Variants in KLF17 observed in about 807,000 individuals in gnomAD.
KLF17 encodes Krueppel-like factor 17.
Under a neutral mutation model 34.2 loss-of-function variants are expected in KLF17, and 31 were observed. The ratio of observed to expected loss-of-function variants is 0.91; its 90% CI spans 0.68 to 1.22. The LOEUF (loss-of-function observed/expected upper bound fraction) is 1.22, where lower values mean the gene tolerates loss of function less well. KLF17 is among the 50% of genes most tolerant of loss of function. The pLI, the probability that KLF17 is intolerant of heterozygous loss-of-function variation, is 0.00. For missense variants in KLF17, 478 were observed against 505.2 expected, an observed-to-expected ratio of 0.95 and a Z score of 0.52; for synonymous variants, 179 against 186.7, an observed-to-expected ratio of 0.96 and a Z score of 0.34.
At chr1:44,062,990 G>A in the KLF17 span, among the ~76,000 whole-genome samples, 139 of 152,276 alleles carry the variant, frequency 9.1e-4, 1 homozygote, top group South Asian at 0.02. Flanking sequence ...AACCCAATGC[G>A]CATCAGCAGA....
chr1:44,056,331 T>C, the KLF17 span, among the ~76,000 whole-genome samples: 17 of 152,126 alleles, frequency 1.1e-4, no homozygotes, highest in African/African-American at 3.4e-4. Context: ...AGGCTAAATA[T>C]TGGGGGTATG....
Position 44,118,964 on chromosome 1 carries a change from G to A in KLF17, c.57G>A (p.Trp19Ter). 1 of 1,610,734 alleles carries A rather than the reference G, an allele frequency of 6.2e-7. No homozygotes were observed. Among genetic ancestry groups the A allele is most frequent in the Admixed American group, 1.7e-5 (1 of 59,770 alleles). Reference sequence around the variant, plus strand: ...AGGAGGCTGGGGAGCTGAGCCGGTGGCAGGCGGCGCACCAGGCTGCCCAGG... The same window carrying A: ...AGGAGGCTGGGGAGCTGAGCCGGTGACAGGCGGCGCACCAGGCTGCCCAGG... ...MEQEAGELSR[W>*]QAAHQAAQDN... is the part of the protein sequence containing the mutation. The change falls in exon 1 of 4, where the codon TGG becomes TGA. Residue 19 changes from tryptophan (W) to a stop codon, truncating the protein, a stop_gained. Coordinates refer to ENST00000372299, the MANE Select transcript of KLF17 (RefSeq NM_173484.4). LOFTEE classifies it high-confidence loss of function.
At chr1:44,131,826 C>T (rs1485486149) in intron 3 of KLF17, among the ~76,000 whole-genome samples, 3 of 152,156 alleles carry the variant, frequency 2.0e-5, no homozygotes, top group Non-Finnish European at 4.4e-5. Flanking sequence ...TCCTGAATAG[C>T]TGGGATTACA....
At chr1:44,058,284 TTTTTTG>T in the KLF17 span, among the ~76,000 whole-genome samples, 5 of 152,144 alleles carry the variant, frequency 3.3e-5, no homozygotes, top group South Asian at 2.1e-4. Flanking sequence ...CCATCGCCTT[TTTTTTG>T]TTTTTGTTTT....
At chr1:44,085,088 A>G in the KLF17 span, among the ~76,000 whole-genome samples, 7 of 151,582 alleles carry the variant, frequency 4.6e-5, no homozygotes, top group Non-Finnish European at 1.0e-4. Context: ...TACTATATAT[A>G]TATATGTATA....
At chr1:44,048,670 TAAA>T in the KLF17 span, among the ~76,000 whole-genome samples, 1 of 152,220 alleles carries the variant, frequency 6.6e-6, no homozygotes, top group African/African-American at 2.4e-5. Flanking sequence ...AGTACATAAA[TAAA>T]TTGTTTTATT....
At chr1:44,127,583 C>A (rs368739174) in intron 1 of KLF17, among the ~76,000 whole-genome samples, 3 of 151,264 alleles carry the variant, frequency 2.0e-5, no homozygotes, top group Non-Finnish European at 4.4e-5. Context: ...GTGATCCACC[C>A]GCCTCGGTGG....
upstream of KLF17, chr1:44,115,106 T>C (rs1297081241): frequency 6.6e-6 from 1 of 152,202 alleles, no homozygotes; most frequent in Non-Finnish European, 1.5e-5. Flanking sequence ...TTGACTTTTT[T>C]CAATTCTGTC....
At chr1:44,044,834 G>A in the KLF17 span, 1 of 152,230 alleles carries the variant, frequency 6.6e-6, no homozygotes, top group Non-Finnish European at 1.5e-5. Flanking sequence ...GCTGTTTATT[G>A]GTTCAGAGCT....
chr1:44,057,647 A>C, the KLF17 span, among the ~76,000 whole-genome samples: 50 of 152,218 alleles, frequency 3.3e-4, no homozygotes, highest in Non-Finnish European at 5.9e-4. Context: ...ATCCCTCAGG[A>C]TGGTTGCTAG....
Position 44,122,314 on chromosome 1 carries a change from A to C in KLF17, c.81+3326A>C, listed in dbSNP as rs141816176. 1.1e-4 allele frequency: 182 copies of C among 1,600,774 alleles called. No homozygotes were observed. The African/African-American group carries it at 2.0e-3, about 18-fold the overall frequency. On this transcript the variant is annotated intron_variant, in intron 1 of 3. Transcript: ENST00000372299. ...GGTAAACTGTCTAGTAGAATAAAATACCGAATGTTATTTCCTCGAATACTC... is the reference window on the plus strand; with the variant it reads ...GGTAAACTGTCTAGTAGAATAAAATCCCGAATGTTATTTCCTCGAATACTC...
the KLF17 span, among the ~76,000 whole-genome samples, chr1:44,099,551 AGGTGAATCAGGAGTCAGGAGGCCAAGGCG>A: frequency 2.0e-5 from 3 of 150,716 alleles, no homozygotes; most frequent in Non-Finnish European, 4.4e-5. Context: ...AGGCCAAGGC[AGGTGAATCAGGAGTCAGGAGGCCAAGGCG>A]GGTGAATCAG....
chr1:44,062,989 C>A, the KLF17 span, among the ~76,000 whole-genome samples: 3 of 152,104 alleles, frequency 2.0e-5, no homozygotes, highest in Non-Finnish European at 4.4e-5. Context: ...CAACCCAATG[C>A]GCATCAGCAG....
At chr1:44,066,338 C>G in the KLF17 span, among the ~76,000 whole-genome samples, 1 of 145,290 alleles carries the variant, frequency 6.9e-6, no homozygotes, top group South Asian at 2.1e-4. Context: ...AAACAAAAAC[C>G]CTCCCCCCAA....
chr1:44,088,090 C>G, the KLF17 span: 4 of 193,356 alleles, frequency 2.1e-5, no homozygotes, highest in Non-Finnish European at 4.4e-5. Context: ...CTTGATCAAG[C>G]TGCCAAGCAC....
At chr1:44,073,288 C>G in the KLF17 span, among the ~76,000 whole-genome samples, 4 of 150,844 alleles carry the variant, frequency 2.7e-5, no homozygotes, top group Non-Finnish European at 4.4e-5. Flanking sequence ...CTCACCGCAA[C>G]CTCTGCTTCC....
intron 3 of KLF17, among the ~76,000 whole-genome samples, chr1:44,131,821 A>G (rs896043930): frequency 6.6e-6 from 1 of 152,106 alleles, no homozygotes; most frequent in African/African-American, 2.4e-5. Context: ...CAGCCTCCTG[A>G]ATAGCTGGGA....
the KLF17 span, chr1:44,045,187 A>C: frequency 6.6e-6 from 1 of 152,240 alleles, no homozygotes; most frequent in African/African-American, 2.4e-5. Context: ...AAGGCAGTTG[A>C]GTGACCAGGA....
the KLF17 span, among the ~76,000 whole-genome samples, chr1:44,063,901 G>GTA: frequency 6.6e-6 from 1 of 152,132 alleles, no homozygotes; most frequent in Non-Finnish European, 1.5e-5. Context: ...CTCTGAGAAG[G>GTA]GATTAGGGAA....
Sources: gnomAD v4.1 joint callset for allele counts (sites outside exome capture counted in the v4.1 genomes callset) on GRCh38, gnomAD v4.1.1 for gene constraint, MANE v1.5 for transcripts, NCBI Gene and HGNC (gene_info 2026-07-23, HGNC 2026-07-21) for gene names.